Variants in VWA3B observed in about 807,000 individuals in gnomAD.
The protein encoded by VWA3B is von Willebrand factor A domain-containing protein 3B.
Under a neutral mutation model 158.3 loss-of-function variants are expected in VWA3B, and 138 were observed. The observed-to-expected ratio is 0.87, with a 90% CI of 0.76 to 1.00. The LOEUF is 1.00. VWA3B is among the 50% of genes least tolerant of loss of function. VWA3B has a pLI of 0.00. For missense variants in VWA3B, 1,555 were observed against 1,565.1 expected (o/e 0.99, Z 0.11); for synonymous variants, 596 against 587.3 (o/e 1.01, Z -0.21).
chr2:98,232,023 G>A (rs988706494), intron 16 of VWA3B, among the ~76,000 whole-genome samples: 15 of 152,068 alleles, frequency 9.9e-5, no homozygotes, highest in African/African-American at 3.4e-4. Context: ...TCACCAAGTG[G>A]GTTGGAAAAT....
intron 19 of VWA3B, among the ~76,000 whole-genome samples, chr2:98,240,721 A>T (rs1011591959): frequency 6.6e-6 from 1 of 152,160 alleles, no homozygotes; most frequent in Non-Finnish European, 1.5e-5. Context: ...ATTGGTTCAT[A>T]TGCTGAAGAA....
At chr2:98,246,447 G>A (rs1446116854) in intron 19 of VWA3B, among the ~76,000 whole-genome samples, 8 of 151,908 alleles carry the variant, frequency 5.3e-5, no homozygotes, top group Non-Finnish European at 1.2e-4. Context: ...GTGCAATCTC[G>A]GCTCACTGCA....
At chr2:98,119,831 G>A (rs1325568253) in intron 4 of VWA3B, 68 bp downstream of exon 4, 1 of 1,573,730 alleles carries the variant, frequency 6.4e-7, no homozygotes, top group South Asian at 1.2e-5. Flanking sequence ...TTGGAATTAA[G>A]TAGCACAGCT....
chr2:98,296,101 G>A (rs1689787741), intron 23 of VWA3B, among the ~76,000 whole-genome samples: 1 of 152,228 alleles, frequency 6.6e-6, no homozygotes, highest in African/African-American at 2.4e-5. Context: ...GGCTTCGTCG[G>A]CTACACAGGC....
chr2:98,292,543 T>C (rs2105955178), intron 23 of VWA3B, among the ~76,000 whole-genome samples: 1 of 152,230 alleles, frequency 6.6e-6, no homozygotes, highest in Admixed American at 6.5e-5. Flanking sequence ...CTGGGAATCT[T>C]CCATTTCTCT....
intron 20 of VWA3B, among the ~76,000 whole-genome samples, chr2:98,254,766 C>T (rs1209799291): frequency 6.6e-6 from 1 of 152,200 alleles, no homozygotes; most frequent in Non-Finnish European, 1.5e-5. Context: ...GGAGAAGAAG[C>T]CGACTGAGCT....
At chr2:98,327,035 C>T in the VWA3B span, among the ~76,000 whole-genome samples, 26 of 152,068 alleles carry the variant, frequency 1.7e-4, no homozygotes, top group South Asian at 8.3e-4. Context: ...AGACTCACGC[C>T]TGTAATCCCA....
chr2:98,182,051 G>A (rs764216261), intron 9 of VWA3B, among the ~76,000 whole-genome samples: 15 of 152,358 alleles, frequency 9.8e-5, no homozygotes, highest in African/African-American at 1.7e-4. Flanking sequence ...CCAAAGGCAG[G>A]CTCTTTCAGG....
chr2:98,254,695 G>A (rs1380107216), intron 20 of VWA3B, among the ~76,000 whole-genome samples: 2 of 152,154 alleles, frequency 1.3e-5, no homozygotes, highest in Non-Finnish European at 2.9e-5. Flanking sequence ...GGAGTGGAGC[G>A]GTACTACTAT....
At position 98,181,214 on chromosome 2, in the gene VWA3B, T is replaced by C; in HGVS notation, c.1311+2T>C. On this transcript the variant is annotated splice_donor_variant, in intron 9 of 27. Coordinates refer to ENST00000477737, the MANE Select transcript of VWA3B (RefSeq NM_144992.5). LOFTEE classifies it high-confidence loss of function. ...AATGAGTCCGTGCAGACCAGTGCGG[T>C]AGGTGAAGTGCACTCCTGGGAGGGG... 1 of 1,613,268 alleles carries C rather than the reference T, an allele frequency of 6.2e-7. No homozygotes were observed. The highest frequency in any genetic ancestry group is 8.5e-7 in the Non-Finnish European group (1 of 1,179,506).
chr2:98,163,183 G>A lies in VWA3B; in HGVS notation c.1114+207G>A, dbSNP rs141777187. On this transcript the variant is annotated intron_variant, in intron 8 of 27. Transcript: ENST00000477737. Reference sequence around the variant, plus strand: ...GACATGTGTGTGTGTGTGTGCCCACGTGCTCACATGTGTGCATATGTGGAG... The same window carrying A: ...GACATGTGTGTGTGTGTGTGCCCACATGCTCACATGTGTGCATATGTGGAG... 1.3e-3 allele frequency among the ~76,000 whole-genome samples: 200 copies of A among 152,236 alleles called. 3 individuals are homozygous for A. The Middle Eastern group carries it at 0.014, about 10-fold the overall frequency.
chr2:98,303,697 T>C lies in VWA3B; in HGVS notation c.3421-5T>C. 6.2e-7 allele frequency: 1 copy of C among 1,613,690 alleles called. No individual in the cohort carries two copies. Among genetic ancestry groups the C allele is most frequent in the Non-Finnish European group, 8.5e-7 (1 of 1,179,612 alleles). On this transcript the variant is annotated splice_region_variant and splice_polypyrimidine_tract_variant and intron_variant, in intron 25 of 27. Coordinates refer to ENST00000477737, the MANE Select transcript of VWA3B (RefSeq NM_144992.5). Reference sequence around the variant, plus strand: ...GTTGAGTGAACTCTGTTGGTATTATTACAGGAATTTTGCCCTCGGAGTGCA... The same window carrying C: ...GTTGAGTGAACTCTGTTGGTATTATCACAGGAATTTTGCCCTCGGAGTGCA...
intron 7 of VWA3B, among the ~76,000 whole-genome samples, chr2:98,144,847 T>C (rs1253370297): frequency 1.3e-5 from 2 of 152,176 alleles, no homozygotes; most frequent in Admixed American, 1.3e-4. Context: ...ATTACAGGCA[T>C]GAGCCACCGC....
chr2:98,264,158 A>G (rs751733944), intron 21 of VWA3B, among the ~76,000 whole-genome samples: 1 of 149,400 alleles, frequency 6.7e-6, no homozygotes, highest in Non-Finnish European at 1.5e-5. Context: ...GAATTTGTCA[A>G]TTTTGTAGGT....
rs551335758 is a variant in VWA3B at position 98,104,943 on chromosome 2, G to A, written c.197-10709G>A. Among the ~76,000 whole-genome samples the A allele has an allele frequency of 1.1e-4, 16 of 152,202 alleles. No individual in the cohort carries two copies. In the East Asian group the frequency reaches 3.1e-3, roughly 29 times the overall value. On this transcript the variant is annotated intron_variant, in intron 2 of 27. Coordinates refer to ENST00000477737, the MANE Select transcript of VWA3B (RefSeq NM_144992.5). ...CCTCACTCCTGTCCTTGGTGTTACT[G>A]TTTTAATGTATTTTATTTTTACATA... is the stretch of plus-strand genomic sequence containing the variant.
At chr2:98,180,974 G>C (rs1680521132) in intron 8 of VWA3B, 42 bp from the exon 9 acceptor site, 1 of 1,594,414 alleles carries the variant, frequency 6.3e-7, no homozygotes. Context: ...TAATATGAAT[G>C]GCTCATGCAG....
intron 21 of VWA3B, among the ~76,000 whole-genome samples, chr2:98,267,446 A>G (rs1687915076): frequency 6.6e-6 from 1 of 152,162 alleles, no homozygotes; most frequent in Non-Finnish European, 1.5e-5. Context: ...ACTACTGGGT[A>G]CATAACAAAA....
chr2:98,165,443 T>A (rs536197092), intron 8 of VWA3B, among the ~76,000 whole-genome samples: 1 of 152,120 alleles, frequency 6.6e-6, no homozygotes, highest in Non-Finnish European at 1.5e-5. Context: ...TGGGATGACA[T>A]TGGGACTTTT....
chr2:98,215,275 T>C (rs1164383519), intron 13 of VWA3B, among the ~76,000 whole-genome samples: 1 of 151,566 alleles, frequency 6.6e-6, no homozygotes, highest in African/African-American at 2.4e-5. Flanking sequence ...ACCCCGTCTC[T>C]ACTAAAAATA....
Sources: gnomAD v4.1 joint callset for allele counts (sites outside exome capture counted in the v4.1 genomes callset) on GRCh38, gnomAD v4.1.1 for gene constraint, MANE v1.5 for transcripts, NCBI Gene and HGNC (gene_info 2026-07-23, HGNC 2026-07-21) for gene names.